Variants in KDM2B observed in about 807,000 individuals in gnomAD.
KDM2B encodes the protein lysine-specific demethylase 2B.
KDM2B carries 26 observed loss-of-function variants against 150.0 expected under a neutral mutation model. The observed-to-expected ratio is 0.17, with a 90% CI of 0.13 to 0.24. The LOEUF (loss-of-function observed/expected upper bound fraction) is 0.24. Ranked by LOEUF, KDM2B falls within the 10% of genes least tolerant of loss-of-function variation. KDM2B has a pLI of 1.00. For synonymous variants in KDM2B, 734 were observed against 729.5 expected, an observed-to-expected ratio of 1.01 and a Z score of -0.10; for missense variants, 1,265 against 1,816.9, an observed-to-expected ratio of 0.70 and a Z score of 5.52.
intron 22 of KDM2B, among the ~76,000 whole-genome samples, chr12:121,432,911 G>T (rs1873298037): frequency 6.6e-6 from 1 of 152,232 alleles, no homozygotes; most frequent in South Asian, 2.1e-4. Flanking sequence ...TCAAGCACCA[G>T]AGCAGGCAGC....
intron 6 of KDM2B, among the ~76,000 whole-genome samples, chr12:121,546,995 CCTCCTCTGTCATTTGAAG>C (rs374541514): frequency 4.5e-4 from 68 of 152,222 alleles, no homozygotes; most frequent in African/African-American, 1.6e-3. Context: ...CCGCACCTGG[CCTCCTCTGTCATTTGAAG>C]CTCAGGAAGA....
chr12:121,576,955 C>T (rs1192716445), intron 2 of KDM2B, among the ~76,000 whole-genome samples: 6 of 152,154 alleles, frequency 3.9e-5, no homozygotes, highest in African/African-American at 1.4e-4. Context: ...CGGGGAAAGC[C>T]CTGACCTCAG....
intron 8 of KDM2B, chr12:121,524,742 G>A: frequency 2.3e-6 from 1 of 442,740 alleles, no homozygotes; most frequent in Non-Finnish European, 4.5e-6. Context: ...CTGCTGCCTG[G>A]GCTGGGAACG....
In KDM2B at chr12:121,537,856, C is replaced by T. The variant is rs1257426440; in HGVS notation, c.684-3266G>A. Among the ~76,000 whole-genome samples the T allele has an allele frequency of 2.0e-5, 3 of 151,688 alleles. No homozygotes were observed. The highest frequency in any genetic ancestry group is 4.4e-5 in the Non-Finnish European group (3 of 67,872). On this transcript the variant is annotated intron_variant, in intron 6 of 22. Transcript: ENST00000377071. The surrounding 1 kb of genome is among the most constrained non-coding windows in gnomAD (Gnocchi z 8.7). ...CCGCGGGCGGGAGGCCACCCACACC[C>T]GCCCCGCGCAGCGCCACAAAGGAGG...
intron 12 of KDM2B, among the ~76,000 whole-genome samples, chr12:121,485,153 G>A (rs782621497): frequency 3.3e-5 from 5 of 152,034 alleles, no homozygotes; most frequent in African/African-American, 4.8e-5. Flanking sequence ...ACTATGAGGC[G>A]GTACGTTTCT....
rs782249347 is a variant in KDM2B at position 121,513,705 on chromosome 12, CCT to C, written c.1048-305_1048-304del. Among the ~76,000 whole-genome samples, 149 of 152,236 alleles carry C rather than the reference CCT, an allele frequency of 9.8e-4. 2 individuals carry two copies. The highest frequency in any genetic ancestry group is 2.1e-3 in the Admixed American group (32 of 15,290). On this transcript the variant is annotated intron_variant, in intron 9 of 22. Transcript: ENST00000377071. The surrounding 1 kb of genome is among the most constrained non-coding windows in gnomAD (Gnocchi z 5.0). ...GAGATGCAGAAAAACAGAATTCTCCCCTGACCTGCCTGCAGAGAGTGTGGGCA... is the reference window on the plus strand; with the variant it reads ...GAGATGCAGAAAAACAGAATTCTCCCGACCTGCCTGCAGAGAGTGTGGGCA...
In KDM2B at chr12:121,467,329, C is replaced by T. The variant is rs1236137419; in HGVS notation, c.1735-13985G>A. 8.1e-6 allele frequency: 8 copies of T among 982,258 alleles called. No individual in the cohort carries two copies. The African/African-American group carries it at 1.1e-4, about 13-fold the overall frequency. The allele number at this position is 982,258 out of a possible 1,614,324, so 60.8% of individuals were successfully genotyped here. A position where few individuals can be genotyped will look rare whatever the true frequency, so the allele number is the denominator to read the frequency against. On this transcript the variant is annotated intron_variant, in intron 12 of 22. Transcript: ENST00000377071. This position sits in a 1 kb window ranked among gnomAD's most constrained non-coding sequence, Gnocchi z 5.1. Reference sequence around the variant, plus strand: ...TCGGGCTCGGGCTCGGGCTCGGGCTCCCGCTGCCGCGAGGAGGGAGCCGCG... The same window carrying T: ...TCGGGCTCGGGCTCGGGCTCGGGCTTCCGCTGCCGCGAGGAGGGAGCCGCG...
rs185743651 is a variant in KDM2B, at chr12:121,473,492, G to A, written c.1735-20148C>T. ...CCAGCACTTTGGGAGGTCGAGGCAGGTGGATCACCTGAGCTCAGGAGTTTG... is the reference window on the plus strand; with the variant it reads ...CCAGCACTTTGGGAGGTCGAGGCAGATGGATCACCTGAGCTCAGGAGTTTG... On this transcript the variant is annotated intron_variant, in intron 12 of 22. Transcript: ENST00000377071. 8.0e-3 allele frequency among the ~76,000 whole-genome samples: 1,211 copies of A among 152,194 alleles called. 16 individuals are homozygous for A. The highest frequency in any genetic ancestry group is 0.025 in the African/African-American group (1,019 of 41,516).
rs193004759 is a variant in KDM2B, at chr12:121,533,969, G to A, written c.777+528C>T. On this transcript the variant is annotated intron_variant, in intron 7 of 22. Transcript: ENST00000377071. The surrounding 1 kb of genome is among the most constrained non-coding windows in gnomAD (Gnocchi z 4.1). ...GTGGGAAGATCGCTTGAGCCCAGGA[G>A]GTGGAGGCTACAGCGAGCTGTGATT... 6.6e-6 allele frequency among the ~76,000 whole-genome samples: 1 copy of A among 152,296 alleles called. No homozygotes were observed. Among genetic ancestry groups the A allele is most frequent in the African/African-American group, 2.4e-5 (1 of 41,554 alleles).
intron 2 of KDM2B, among the ~76,000 whole-genome samples, chr12:121,577,922 C>T (rs1240197764): frequency 1.3e-5 from 2 of 152,016 alleles, no homozygotes; most frequent in African/African-American, 2.4e-5. Flanking sequence ...GAGGGTGACC[C>T]CCACCACCCT....
intron 1 of KDM2B, chr12:121,579,758 C>T: frequency 2.1e-6 from 3 of 1,403,628 alleles, no homozygotes; most frequent in Non-Finnish European, 2.9e-6. Flanking sequence ...GAACCCCGAG[C>T]CCGCTCAGCC....
intron 6 of KDM2B, chr12:121,536,082 G>A: frequency 5.1e-6 from 5 of 985,918 alleles, no homozygotes; most frequent in Non-Finnish European, 6.0e-6. Context: ...ATGGGGCGGG[G>A]ACGGACAGGG....
chr12:121,452,496 AGGGAG>A lies in KDM2B; in HGVS notation c.1959+619_1959+623del, dbSNP rs1369230503. ...GGGGACTGGGAGATGACTCCTCCACAGGGAGGACCGCCGGCCCCCGGGGAGCAGCG... is the reference window on the plus strand; with the variant it reads ...GGGGACTGGGAGATGACTCCTCCACAGACCGCCGGCCCCCGGGGAGCAGCG... On this transcript the variant is annotated intron_variant, in intron 13 of 22. Coordinates refer to ENST00000377071, the MANE Select transcript of KDM2B (RefSeq NM_032590.5). This position sits in a 1 kb window ranked among gnomAD's most constrained non-coding sequence, Gnocchi z 4.4. Among the ~76,000 whole-genome samples, 6 of 152,206 alleles carry A rather than the reference AGGGAG, an allele frequency of 3.9e-5. No individual in the cohort carries two copies. The highest frequency in any genetic ancestry group is 5.9e-5 in the Non-Finnish European group (4 of 68,026).
At chr12:121,573,735 C>A (rs2136544233) in intron 4 of KDM2B, among the ~76,000 whole-genome samples, 1 of 152,094 alleles carries the variant, frequency 6.6e-6, no homozygotes, top group Non-Finnish European at 1.5e-5. Context: ...CCACAGGCGC[C>A]CGCCACCACG....
At chr12:121,456,683 T>C (rs1459032520) in intron 12 of KDM2B, among the ~76,000 whole-genome samples, 2 of 152,212 alleles carry the variant, frequency 1.3e-5, no homozygotes, top group African/African-American at 2.4e-5. Flanking sequence ...AGTAAAAACG[T>C]TGGGCCAATC....
chr12:121,477,600 G>A (rs1555297000), intron 12 of KDM2B, among the ~76,000 whole-genome samples: 1 of 127,022 alleles, frequency 7.9e-6, no homozygotes, highest in Non-Finnish European at 1.6e-5. Context: ...TTTTGGAGAT[G>A]GAGTTTTGCT....
the KDM2B span, chr12:121,423,804 C>T: frequency 2.0e-6 from 1 of 507,696 alleles, no homozygotes; most frequent in African/African-American, 1.9e-5. This position sits in a 1 kb window ranked among gnomAD's most constrained non-coding sequence, Gnocchi z 4.3. Context: ...TGGGCTTTAT[C>T]ACACATCCCG....
intron 12 of KDM2B, chr12:121,470,084 G>A (rs546925054): frequency 6.9e-6 from 1 of 144,428 alleles, no homozygotes; most frequent in South Asian, 2.2e-4. Flanking sequence ...GCAACAGAGT[G>A]ATATTCTGTC....
intron 7 of KDM2B, among the ~76,000 whole-genome samples, chr12:121,534,061 A>T (rs560724128): frequency 1.3e-5 from 2 of 152,052 alleles, no homozygotes; most frequent in African/African-American, 2.4e-5. Flanking sequence ...TAATTTTTTA[A>T]AAAAAAAGCC....
Sources: gnomAD v4.1 joint callset for allele counts (sites outside exome capture counted in the v4.1 genomes callset) on GRCh38, gnomAD v4.1.1 for gene constraint, Gnocchi (gnomAD v3.1) non-coding constraint, MANE v1.5 for transcripts, NCBI Gene and HGNC (gene_info 2026-07-23, HGNC 2026-07-21) for gene names.